FBXL7: variants seen among roughly 807,000 people sequenced by gnomAD.
FBXL7 encodes the protein F-box/LRR-repeat protein 7.
FBXL7 carries 12 observed loss-of-function variants against 38.3 expected under a neutral mutation model. That is an observed-to-expected ratio of 0.31 (90% CI 0.20 to 0.51). FBXL7 has a LOEUF of 0.51. Among genes scored for constraint, FBXL7 ranks in the 20% least tolerant of loss-of-function variants. FBXL7 has a pLI of 0.98. For missense variants in FBXL7, 567 were observed against 676.4 expected (o/e 0.84, Z 1.79); for synonymous variants, 297 against 300.9 (o/e 0.99, Z 0.13).
intron 2 of FBXL7, among the ~76,000 whole-genome samples, chr5:15,862,425 A>G (rs1739516336): frequency 6.6e-6 from 1 of 152,208 alleles, no homozygotes; most frequent in Non-Finnish European, 1.5e-5. Flanking sequence ...TATCAACAGC[A>G]TAAAAACAGA....
intron 2 of FBXL7, among the ~76,000 whole-genome samples, chr5:15,806,296 C>T (rs1181217084): frequency 1.3e-5 from 2 of 152,050 alleles, no homozygotes; most frequent in African/African-American, 4.8e-5. Context: ...AGTTAACTCC[C>T]CAAATGCTAG....
chr5:15,868,583 C>T (rs1021639834), intron 2 of FBXL7, among the ~76,000 whole-genome samples: 6 of 152,126 alleles, frequency 3.9e-5, no homozygotes, highest in African/African-American at 9.7e-5. Flanking sequence ...CAGAACCTGT[C>T]GCTTAGGCTT....
intron 2 of FBXL7, among the ~76,000 whole-genome samples, chr5:15,724,797 A>G (rs1052905167): frequency 6.6e-6 from 1 of 152,178 alleles, no homozygotes; most frequent in Non-Finnish European, 1.5e-5. Context: ...CTTTGCAAAT[A>G]TATTTATAAA....
In FBXL7 at chr5:15,694,865, G is replaced by C. The variant is rs866718785; in HGVS notation, c.127+78793G>C. Among the ~76,000 whole-genome samples the C allele has an allele frequency of 1.4e-4, 21 of 152,292 alleles. No homozygotes were observed. In the South Asian group the frequency reaches 4.3e-3, roughly 32 times the overall value. On this transcript the variant is annotated intron_variant, in intron 2 of 3. Transcript: ENST00000504595. ...AACCATAAATGGTAAAACTAACCCTGTTCCACTGCCAGCTAGAAGAACAGC... is the reference window on the plus strand; with the variant it reads ...AACCATAAATGGTAAAACTAACCCTCTTCCACTGCCAGCTAGAAGAACAGC...
At chr5:15,626,349 TC>T (rs979050992) in intron 2 of FBXL7, among the ~76,000 whole-genome samples, 1 of 152,192 alleles carries the variant, frequency 6.6e-6, no homozygotes, top group African/African-American at 2.4e-5. Flanking sequence ...CATCCAAGAA[TC>T]TTTTAAGCAG....
In FBXL7 at chr5:15,938,257, A is replaced by G. The variant is rs1292146507; in HGVS notation, c.*1071A>G. ...CCAGATCCCCCCATCAGTTGCTTTTACTCAGTGTTTTCAAATAGGAGTAAA... is the reference window on the plus strand; with the variant it reads ...CCAGATCCCCCCATCAGTTGCTTTTGCTCAGTGTTTTCAAATAGGAGTAAA... On this transcript the variant is annotated 3_prime_UTR_variant, in exon 4 of 4. Transcript: ENST00000504595. 6.6e-6 allele frequency: 1 copy of G among 152,086 alleles called. No individual in the cohort carries two copies. The highest frequency in any genetic ancestry group is 2.4e-5 in the African/African-American group (1 of 41,404). The allele number at this position is 152,086 out of a possible 1,614,324, so 9.4% of individuals were successfully genotyped here.
intron 2 of FBXL7, among the ~76,000 whole-genome samples, chr5:15,619,715 G>C (rs1345618197): frequency 6.6e-6 from 1 of 152,158 alleles, no homozygotes; most frequent in Non-Finnish European, 1.5e-5. Flanking sequence ...TATTGTAAAG[G>C]ATAATATTCA....
At chr5:15,590,749 T>C (rs1301291382) in intron 1 of FBXL7, among the ~76,000 whole-genome samples, 1 of 152,064 alleles carries the variant, frequency 6.6e-6, no homozygotes, top group Admixed American at 6.6e-5. Context: ...ACTGTGGATG[T>C]GTTGAGAGGC....
At chr5:15,691,120 C>T (rs749812749) in intron 2 of FBXL7, among the ~76,000 whole-genome samples, 5 of 152,118 alleles carry the variant, frequency 3.3e-5, no homozygotes, top group African/African-American at 4.8e-5. Flanking sequence ...TGCCACCTGG[C>T]CCCCAGGATG....
chr5:15,606,221 C>T lies in FBXL7; in HGVS notation c.38-9762C>T, dbSNP rs567961083. Among the ~76,000 whole-genome samples the T allele has an allele frequency of 1.1e-4, 16 of 152,128 alleles. No individual in the cohort carries two copies. The East Asian group carries it at 2.3e-3, about 22-fold the overall frequency. ...TTCTTTCTAGAGGTTAACTCTGACCCGTTATCCTAGAAGGCCTTTATCATG... is the reference window on the plus strand; with the variant it reads ...TTCTTTCTAGAGGTTAACTCTGACCTGTTATCCTAGAAGGCCTTTATCATG... On this transcript the variant is annotated intron_variant, in intron 1 of 3. Coordinates refer to ENST00000504595, the MANE Select transcript of FBXL7 (RefSeq NM_012304.5).
intron 2 of FBXL7, among the ~76,000 whole-genome samples, chr5:15,654,349 G>A (rs1225355192): frequency 6.6e-6 from 1 of 151,356 alleles, no homozygotes; most frequent in Non-Finnish European, 1.5e-5. Flanking sequence ...ATTTGTGCAA[G>A]GATGATTTTA....
At chr5:15,534,298 C>A (rs1737518999) in intron 1 of FBXL7, among the ~76,000 whole-genome samples, 1 of 152,154 alleles carries the variant, frequency 6.6e-6, no homozygotes, top group Non-Finnish European at 1.5e-5. Context: ...AATAGTTTCC[C>A]TGCCCTAAAA....
intron 2 of FBXL7, among the ~76,000 whole-genome samples, chr5:15,721,222 A>G (rs886891228): frequency 6.6e-6 from 1 of 152,128 alleles, no homozygotes; most frequent in African/African-American, 2.4e-5. Context: ...CTTATAGACC[A>G]TTTCTTGGAT....
chr5:15,697,830 A>T (rs766505341), intron 2 of FBXL7, among the ~76,000 whole-genome samples: 4 of 152,216 alleles, frequency 2.6e-5, no homozygotes, highest in Non-Finnish European at 5.9e-5. Context: ...TTTAATGCCA[A>T]TGCTATTTTG....
At chr5:15,657,576 G>A (rs1741924354) in intron 2 of FBXL7, among the ~76,000 whole-genome samples, 1 of 152,110 alleles carries the variant, frequency 6.6e-6, no homozygotes, top group Non-Finnish European at 1.5e-5. Context: ...GCTCACTCCT[G>A]TAATCCCAGC....
intron 2 of FBXL7, among the ~76,000 whole-genome samples, chr5:15,735,340 T>C (rs1236142441): frequency 6.6e-6 from 1 of 152,182 alleles, no homozygotes; most frequent in Non-Finnish European, 1.5e-5. Context: ...TTTCAGAGGA[T>C]GTGAATCAAA....
At chr5:15,662,654 T>C (rs1286962688) in intron 2 of FBXL7, among the ~76,000 whole-genome samples, 1 of 152,260 alleles carries the variant, frequency 6.6e-6, no homozygotes, top group African/African-American at 2.4e-5. Context: ...AAGTCTTTAA[T>C]TCATCTTGAA....
intron 2 of FBXL7, among the ~76,000 whole-genome samples, chr5:15,825,142 AATCCAT>A (rs1738276738): frequency 6.6e-6 from 1 of 152,226 alleles, no homozygotes; most frequent in Admixed American, 6.5e-5. Context: ...TAGTTAATAA[AATCCAT>A]AAGCTATGAC....
At chr5:15,586,870 T>C (rs560213087) in intron 1 of FBXL7, among the ~76,000 whole-genome samples, 14 of 152,360 alleles carry the variant, frequency 9.2e-5, no homozygotes, top group African/African-American at 2.9e-4. Context: ...TTTAGTCATT[T>C]ATCTGGTTAA....
Sources: allele counts gnomAD v4.1 joint callset (sites outside exome capture counted in the v4.1 genomes callset), GRCh38; gene constraint gnomAD v4.1.1; transcripts MANE v1.5; gene names NCBI Gene and HGNC (gene_info 2026-07-23, HGNC 2026-07-21).